Variants in OLAH observed in about 807,000 individuals in gnomAD.
OLAH encodes the protein oleoyl-ACP hydrolase, also known as S-acyl fatty acid synthase thioesterase, medium chain.
OLAH carries 33 observed loss-of-function variants against 27.8 expected under a neutral mutation model. The observed-to-expected ratio is 1.19, with a 90% CI of 0.90 to 1.59. The LOEUF is 1.59. Among genes scored for constraint, OLAH ranks in the 40% most tolerant of loss-of-function variants. The probability of loss-of-function intolerance (pLI) is 0.00; values close to 1 mark genes in which losing one functional copy is unlikely to be tolerated. For synonymous variants in OLAH, 120 were observed against 102.9 expected, an observed-to-expected ratio of 1.17 and a Z score of -1.01; for missense variants, 359 against 310.8, an observed-to-expected ratio of 1.16 and a Z score of -1.17.
rs768059785 is a variant in OLAH at position 15,065,766 on chromosome 10, A to G, written c.572+13A>G. ...TTAGAAGTTGCACGTAAGTAACAGA[A>G]ACAAGGTTTTTTCTTTTTTTGGTAC... On this transcript the variant is annotated intron_variant, in intron 6 of 7. Transcript: ENST00000378228. 2 of 1,580,878 alleles carry G rather than the reference A, an allele frequency of 1.3e-6. No homozygotes were observed. The highest frequency in any genetic ancestry group is 1.7e-6 in the Non-Finnish European group (2 of 1,166,326).
Position 15,064,436 on chromosome 10 carries a change from A to G in OLAH, c.336A>G (p.Leu112=). 1.9e-6 allele frequency: 3 copies of G among 1,601,910 alleles called. No individual in the cohort carries two copies. Among genetic ancestry groups the G allele is most frequent in the African/African-American group, 1.3e-5 (1 of 74,356 alleles). ...MGSYIAFRTA[L]GLKENNQPEP... ...CCTACATTGCTTTTAGGACTGCACT[A>G]GGTCTAAAAGAAAACAATCAACCAG... is the stretch of plus-strand genomic sequence containing the variant. The change falls in exon 5 of 8, where the codon CTA becomes CTG. Residue 112 remains leucine (L), a synonymous_variant. Coordinates refer to ENST00000378228, the MANE Select transcript of OLAH (RefSeq NM_001039702.3).
At chr10:15,045,799 G>A (rs1192762173) in intron 1 of OLAH, among the ~76,000 whole-genome samples, 1 of 152,152 alleles carries the variant, frequency 6.6e-6, no homozygotes, top group Non-Finnish European at 1.5e-5. Context: ...CTTTATAAAT[G>A]ACAGATCTGT....
At position 15,065,479 on chromosome 10, in the gene OLAH, C is replaced by A. The variant is rs184322547; in HGVS notation, c.403-105C>A. 4 of 1,232,464 alleles carry A rather than the reference C, an allele frequency of 3.2e-6. No homozygotes were observed. The East Asian group carries it at 1.0e-4, about 31-fold the overall frequency. 76.3% of individuals were successfully genotyped at this position (1,232,464 alleles called of 1,614,324 possible). On this transcript the variant is annotated intron_variant, in intron 5 of 7. Transcript: ENST00000378228. ...AGCCTATAGATAAAGCAGTCTACTT[C>A]CCAGCCTTGGTTTAATGACTTTTCC...
At chr10:15,063,415 G>C (rs1230867672) in intron 4 of OLAH, among the ~76,000 whole-genome samples, 3 of 152,268 alleles carry the variant, frequency 2.0e-5, no homozygotes, top group African/African-American at 7.2e-5. Context: ...ACAGATACGA[G>C]GCACTGCATC....
At chr10:15,071,050 C>T (rs1269192775) in intron 6 of OLAH, among the ~76,000 whole-genome samples, 2 of 152,148 alleles carry the variant, frequency 1.3e-5, no homozygotes, top group Non-Finnish European at 2.9e-5. Flanking sequence ...TCCCAAAGTG[C>T]TGGTATTATG....
At chr10:15,037,302 C>T (rs574735654) in intron 1 of OLAH, among the ~76,000 whole-genome samples, 15 of 152,090 alleles carry the variant, frequency 9.9e-5, no homozygotes, top group Admixed American at 8.5e-4. Flanking sequence ...TCATAGAAGC[C>T]GGCTGCAGTG....
chr10:15,033,020 C>T (rs890201907), intron 1 of OLAH, among the ~76,000 whole-genome samples: 1 of 151,102 alleles, frequency 6.6e-6, no homozygotes, highest in Admixed American at 6.6e-5. Flanking sequence ...TTACAGGTGC[C>T]CACCACCACA....
chr10:15,032,582 C>T lies in OLAH; in HGVS notation c.-164+232C>T, dbSNP rs564067637. On this transcript the variant is annotated intron_variant, in intron 1 of 3. Transcript: ENST00000413672. ...GTTCCAGTAAACTGAGATCACACCA[C>T]TGCACTCCAGCCTGGGCGACAGAGT... Among the ~76,000 whole-genome samples the T allele has an allele frequency of 4.1e-5, 6 of 147,012 alleles. No individual in the cohort carries two copies. In the South Asian group the frequency reaches 1.3e-3, roughly 32 times the overall value.
At chr10:15,044,120 A>C (rs1843970857) in intron 1 of OLAH, 134 bp downstream of exon 1, 1 of 152,212 alleles carries the variant, frequency 6.6e-6, no homozygotes, top group Non-Finnish European at 1.5e-5. Context: ...TAGAGAATTT[A>C]GTCTGTTTAT....
intron 4 of OLAH, among the ~76,000 whole-genome samples, chr10:15,062,686 T>C (rs1844391031): frequency 6.6e-6 from 1 of 151,890 alleles, no homozygotes. Context: ...CCTCCTTTTG[T>C]GGATATGAGC....
At chr10:15,042,551 A>C (rs1843938634), upstream of OLAH, among the ~76,000 whole-genome samples, 1 of 152,194 alleles carries the variant, frequency 6.6e-6, no homozygotes, top group Non-Finnish European at 1.5e-5. Flanking sequence ...CAATCCAATT[A>C]TACTCTTCTA....
intron 6 of OLAH, among the ~76,000 whole-genome samples, chr10:15,069,426 T>C (rs1721299095): frequency 6.6e-6 from 1 of 152,238 alleles, no homozygotes; most frequent in South Asian, 2.1e-4. Flanking sequence ...TTAAGGCTTC[T>C]GCTTACAATG....
chr10:15,073,143 T>C lies in OLAH; in HGVS notation c.712T>C (p.Phe238Leu). 6.2e-7 allele frequency: 1 copy of C among 1,612,744 alleles called. No individual in the cohort carries two copies. Among genetic ancestry groups the C allele is most frequent in the Non-Finnish European group, 8.5e-7 (1 of 1,178,786 alleles). Residue 238 changes from phenylalanine (F) to leucine (L), a missense_variant, in exon 8 of 8, where the codon TTT becomes CTT. By Grantham distance (22) the Phe-to-Leu change is conservative. Transcript: ENST00000378228. ...AATTTACCAGCTTCCAGGGGGTCAC[T>C]TTTATCTTCTGGATCCTGCGAACGA... ...AKIYQLPGGH[F>L]YLLDPANEKL...
chr10:15,066,492 T>G (rs1412176100), intron 6 of OLAH, among the ~76,000 whole-genome samples: 2 of 152,142 alleles, frequency 1.3e-5, no homozygotes, highest in African/African-American at 2.4e-5. Context: ...GTTCTATGAA[T>G]ATCTCTCCAT....
Position 15,061,789 on chromosome 10 carries a change from C to A in OLAH, c.229C>A (p.Gln77Lys). Residue 77 changes from glutamine (Q) to lysine (K), a missense_variant, in exon 4 of 8, where the codon CAG becomes AAG. Coordinates refer to ENST00000378228, the MANE Select transcript of OLAH (RefSeq NM_001039702.3). ...VEEPLENDIS[Q>K]LVDEVVCALQ... Reference sequence around the variant, plus strand: ...AGAACCTCTTGAAAATGACATCTCCCAGTTAGTTGATGAAGTTGTTTGTGC... The same window carrying A: ...AGAACCTCTTGAAAATGACATCTCCAAGTTAGTTGATGAAGTTGTTTGTGC... The A allele has an allele frequency of 6.2e-7, 1 of 1,613,870 alleles. No individual in the cohort carries two copies. The highest frequency in any genetic ancestry group is 8.5e-7 in the Non-Finnish European group (1 of 1,179,878).
intron 3 of OLAH, among the ~76,000 whole-genome samples, chr10:15,051,438 T>C (rs1240027242): frequency 6.6e-6 from 1 of 152,246 alleles, no homozygotes; most frequent in African/African-American, 2.4e-5. Flanking sequence ...GGATTAGCCA[T>C]CTGATCTAAT....
At chr10:15,071,901 T>G in intron 7 of OLAH, 24 bp downstream of exon 7, 2 of 1,535,870 alleles carry the variant, frequency 1.3e-6, no homozygotes, top group Non-Finnish European at 1.8e-6. Flanking sequence ...TAGTCTCGAG[T>G]ATTGTATTGA....
chr10:15,067,995 T>G (rs1045623207), intron 6 of OLAH: 2 of 152,242 alleles, frequency 1.3e-5, no homozygotes, highest in Non-Finnish European at 2.9e-5. Flanking sequence ...ATAATTGATA[T>G]CATCCCAAAT....
rs541286974 is a variant in OLAH, at chr10:15,036,657, T to A, written c.-164+4307T>A. 1.2e-4 allele frequency among the ~76,000 whole-genome samples: 19 copies of A among 152,232 alleles called. No homozygotes were observed. In the East Asian group the frequency reaches 3.3e-3, roughly 26 times the overall value. On this transcript the variant is annotated intron_variant, in intron 1 of 3. Coordinates refer to the OLAH transcript ENST00000413672. ...GGTGCATACCACTGTGCCTAATTTT[T>A]AAAAATTTTTGTAGGGATTGGGGGG...
Sources: allele counts gnomAD v4.1 joint callset (sites outside exome capture counted in the v4.1 genomes callset), GRCh38; gene constraint gnomAD v4.1.1; transcripts MANE v1.5; gene names NCBI Gene and HGNC (gene_info 2026-07-23, HGNC 2026-07-21).